The following ACAD10 variants were observed in gnomAD, a reference collection of about 807,000 sequenced individuals.
ACAD10 encodes the protein acyl-CoA dehydrogenase family member 10.
ACAD10 carries 112 observed loss-of-function variants against 116.8 expected under a neutral mutation model. The ratio of observed to expected loss-of-function variants is 0.96; its 90% CI spans 0.82 to 1.12. The LOEUF is 1.12. Ranked by LOEUF, ACAD10 falls within the 50% of genes most tolerant of loss-of-function variation. The pLI is 0.00. For synonymous variants in ACAD10, 486 were observed against 510.6 expected (o/e 0.95, Z 0.65); for missense variants, 1,259 against 1,350.2 (o/e 0.93, Z 1.06).
rs2135997551 is a variant in ACAD10, at chr12:111,755,672, C to T, written c.2966C>T (p.Ala989Val). 5.6e-6 allele frequency: 9 copies of T among 1,613,658 alleles called. No individual in the cohort carries two copies. Among genetic ancestry groups the T allele is most frequent in the Non-Finnish European group, 7.6e-6 (9 of 1,179,786 alleles). The change falls in exon 20 of 21, where the codon GCA (alanine) becomes GTA (valine). Residue 989 changes from alanine to valine, a missense_variant. Coordinates refer to ENST00000313698, the MANE Select transcript of ACAD10 (RefSeq NM_025247.6). ...HLMDLAGNKA[A>V]ALDIAMIKMV... ...CGCATCTCCTCCTCCTTACAGGCTG[C>T]AGCCTTGGATATAGCCATGATTAAA...
chr12:111,690,027 T>C (rs1335297540), intron 1 of ACAD10, among the ~76,000 whole-genome samples: 1 of 152,206 alleles, frequency 6.6e-6, no homozygotes, highest in Non-Finnish European at 1.5e-5. Flanking sequence ...ACTTCGAATA[T>C]TTTCTATTGT....
At chr12:111,750,491 C>T (rs1402278644) in intron 18 of ACAD10, among the ~76,000 whole-genome samples, 1 of 152,170 alleles carries the variant, frequency 6.6e-6, no homozygotes, top group African/African-American at 2.4e-5. Flanking sequence ...GAGGCTGAGG[C>T]AGAAGGATCG....
intron 4 of ACAD10, 54 bp downstream of exon 4, chr12:111,705,986 G>T: frequency 6.3e-7 from 1 of 1,578,290 alleles, no homozygotes; most frequent in African/African-American, 1.3e-5. Flanking sequence ...CCTCGCTTCA[G>T]GGTGCAATGT....
chr12:111,723,424 C>T (rs1889098448), intron 8 of ACAD10, among the ~76,000 whole-genome samples: 1 of 137,816 alleles, frequency 7.3e-6, no homozygotes, highest in Non-Finnish European at 1.6e-5. Context: ...GGGGGCTGAC[C>T]CCCCCGCCTC....
intron 9 of ACAD10, among the ~76,000 whole-genome samples, chr12:111,729,400 G>T (rs1469010554): frequency 2.6e-5 from 4 of 152,104 alleles, no homozygotes; most frequent in Admixed American, 2.0e-4. Context: ...ACCACACCTG[G>T]CTAATTTTTG....
intron 14 of ACAD10, among the ~76,000 whole-genome samples, 193 bp from the exon 15 acceptor site, chr12:111,746,856 G>A (rs989330927): frequency 1.3e-5 from 2 of 152,162 alleles, no homozygotes; most frequent in African/African-American, 2.4e-5. Flanking sequence ...AAATTAATCG[G>A]GTGTGATGGT....
rs1044361546 is a variant in ACAD10, at chr12:111,702,456, C to T, written c.336+146C>T. The T allele has an allele frequency of 5.4e-5, 63 of 1,166,824 alleles. 1 individual carries two copies. The East Asian group carries it at 1.4e-3, about 26-fold the overall frequency. The allele number at this position is 1,166,824 out of a possible 1,614,324, so 72.3% of individuals were successfully genotyped here. A position where few individuals can be genotyped will look rare whatever the true frequency, so the allele number is the denominator to read the frequency against. On this transcript the variant is annotated intron_variant, in intron 3 of 20. Coordinates refer to ENST00000313698, the MANE Select transcript of ACAD10 (RefSeq NM_025247.6). Reference sequence around the variant, plus strand: ...TTTTAAAGTTATTTCTTAGGCCAGGCGCAGTGGCTCATGCCTATAATCCCA... The same window carrying T: ...TTTTAAAGTTATTTCTTAGGCCAGGTGCAGTGGCTCATGCCTATAATCCCA...
chr12:111,705,683 G>T, intron 3 of ACAD10, 55 bp from the exon 4 acceptor site: 1 of 1,483,008 alleles, frequency 6.7e-7, no homozygotes, highest in Non-Finnish European at 9.2e-7. Context: ...TGTTGGCCAT[G>T]AGTGTTTGTC....
chr12:111,730,944 A>AT (rs1889369808), intron 10 of ACAD10, among the ~76,000 whole-genome samples: 1 of 152,108 alleles, frequency 6.6e-6, no homozygotes, highest in South Asian at 2.1e-4. Flanking sequence ...TAATCCAAAA[A>AT]TACAATACAT....
intron 20 of ACAD10, 72 bp downstream of exon 20, chr12:111,755,817 G>T (rs747490883): frequency 4.1e-6 from 6 of 1,447,668 alleles, no homozygotes; most frequent in African/African-American, 1.4e-5. Context: ...ATCTTCAGCC[G>T]CCCAGCCTCC....
At chr12:111,735,254 T>TAAA (rs1302062112) in intron 11 of ACAD10, among the ~76,000 whole-genome samples, 10 of 152,044 alleles carry the variant, frequency 6.6e-5, no homozygotes, top group African/African-American at 2.4e-4. Context: ...GGGAAGACAT[T>TAAA]TGGGTTAATT....
intron 11 of ACAD10, among the ~76,000 whole-genome samples, chr12:111,736,168 A>G (rs1326758970): frequency 6.8e-6 from 1 of 146,170 alleles, no homozygotes; most frequent in Non-Finnish European, 1.5e-5. Context: ...GGCATGAGCC[A>G]CTGCACCCAG....
chr12:111,744,408 C>T (rs1405018193), intron 12 of ACAD10, among the ~76,000 whole-genome samples: 1 of 152,190 alleles, frequency 6.6e-6, no homozygotes, highest in Admixed American at 6.5e-5. Flanking sequence ...ACTTCCAGCT[C>T]GTCCAAGTCA....
chr12:111,744,966 C>G lies in ACAD10; in HGVS notation c.2038C>G (p.Pro680Ala), dbSNP rs776198053. The change falls in exon 13 of 21, where the codon CCT becomes GCT. Residue 680 changes from proline (P) to alanine (A), a missense_variant. Coordinates refer to ENST00000313698, the MANE Select transcript of ACAD10 (RefSeq NM_025247.6). ...LKHFMEQRVY[P>A]AEPELQSHQA... ...GCACTTCATGGAGCAACGTGTGTAC[C>G]CTGCAGAGCCAGAGCTGCAGAGTCA... 20 of 1,614,032 alleles carry G rather than the reference C, an allele frequency of 1.2e-5. No individual in the cohort carries two copies. Among genetic ancestry groups the G allele is most frequent in the Non-Finnish European group, 1.6e-5 (19 of 1,180,046 alleles).
At chr12:111,724,886 A>AGAGAGG (rs1889168998) in intron 8 of ACAD10, among the ~76,000 whole-genome samples, 1 of 150,936 alleles carries the variant, frequency 6.6e-6, no homozygotes, top group Non-Finnish European at 1.5e-5. Context: ...GACCGTGGAA[A>AGAGAGG]GAGAGGGAGA....
At position 111,715,713 on chromosome 12, in the gene ACAD10, A is replaced by G. The variant is rs557651072; in HGVS notation, c.851-108A>G. On this transcript the variant is annotated intron_variant, in intron 6 of 20. Transcript: ENST00000313698. ...GTACTTTTCTTGCACTGCATGGCAG[A>G]TGAGGATATTTTGAAGCCCAAATGC... 4.9e-5 allele frequency: 72 copies of G among 1,474,844 alleles called. No individual in the cohort carries two copies. In the Middle Eastern group the frequency reaches 9.7e-4, roughly 20 times the overall value. 91.4% of individuals were successfully genotyped at this position (1,474,844 alleles called of 1,614,324 possible). A position where few individuals can be genotyped will look rare whatever the true frequency, so the allele number is the denominator to read the frequency against.
rs751601129 is a variant in ACAD10 at position 111,753,847 on chromosome 12, G to A, written c.2893G>A (p.Val965Met). 187 of 1,613,852 alleles carry A rather than the reference G, an allele frequency of 1.2e-4. No homozygotes were observed. Among genetic ancestry groups the A allele is most frequent in the South Asian group, 5.7e-4 (52 of 91,088 alleles). ...GCTGGCGGACATCGCGCAGTCGCGC[G>A]TGGAGATTGAGCAGGCACGGCTGCT... is the stretch of plus-strand genomic sequence containing the variant. ...TVLADIAQSR[V>M]EIEQARLLVL... The change falls in exon 19 of 21, where the codon GTG becomes ATG. Residue 965 changes from valine to methionine, a missense_variant. Physicochemically the swap from Val to Met is conservative, Grantham distance 21 (BLOSUM62 1). Transcript: ENST00000313698.
At chr12:111,724,780 C>G (rs952696400) in intron 8 of ACAD10, among the ~76,000 whole-genome samples, 2 of 150,806 alleles carry the variant, frequency 1.3e-5, no homozygotes. Context: ...AGAGGGAGAC[C>G]GTGGAAAGAG....
chr12:111,696,487 TA>T (rs1263495384), intron 2 of ACAD10, among the ~76,000 whole-genome samples: 2 of 152,212 alleles, frequency 1.3e-5, no homozygotes, highest in Non-Finnish European at 2.9e-5. Context: ...TCAATGTCCA[TA>T]AAAATGAAAT....
Sources: gnomAD v4.1 joint callset for allele counts (sites outside exome capture counted in the v4.1 genomes callset) on GRCh38, gnomAD v4.1.1 for gene constraint, MANE v1.5 for transcripts, NCBI Gene and HGNC (gene_info 2026-07-23, HGNC 2026-07-21) for gene names.